ITGA6: variants seen among roughly 807,000 people sequenced by gnomAD.
ITGA6 encodes integrin subunit alpha 6, also known as integrin alpha-6.
Under a neutral mutation model 133.6 loss-of-function variants are expected in ITGA6, and 63 were observed. That is an observed-to-expected ratio of 0.47 (90% CI 0.38 to 0.58). The LOEUF (loss-of-function observed/expected upper bound fraction) is 0.58, where lower values mean the gene tolerates loss of function less well. Among genes scored for constraint, ITGA6 ranks in the 20% least tolerant of loss-of-function variants. The pLI is 0.00. For synonymous variants in ITGA6, 434 were observed against 482.0 expected (o/e 0.90, Z 1.30); for missense variants, 1,068 against 1,309.4 (o/e 0.82, Z 2.85).
chr2:172,453,157 T>C (rs1685074803), intron 1 of ITGA6, among the ~76,000 whole-genome samples: 1 of 152,198 alleles, frequency 6.6e-6, no homozygotes, highest in Non-Finnish European at 1.5e-5. Flanking sequence ...CTCAGAGATT[T>C]GCAGACAAAA....
intron 23 of ITGA6, chr2:172,495,493 T>C (rs113196882): frequency 2.6e-5 from 4 of 152,214 alleles, no homozygotes; most frequent in African/African-American, 9.7e-5. Flanking sequence ...CTTCCCCTTG[T>C]TCTCAATCCC....
chr2:172,448,962 C>G (rs185251618), intron 1 of ITGA6, among the ~76,000 whole-genome samples: 1 of 152,252 alleles, frequency 6.6e-6, no homozygotes, highest in Non-Finnish European at 1.5e-5. Flanking sequence ...AAGGCAAAAT[C>G]GTAGGTAAGG....
chr2:172,501,523 T>C (rs1687345493), intron 24 of ITGA6, among the ~76,000 whole-genome samples: 1 of 152,228 alleles, frequency 6.6e-6, no homozygotes, highest in Admixed American at 6.5e-5. Context: ...ACAAGATTTC[T>C]GTTACAAAGA....
Position 172,480,004 on chromosome 2 carries a change from C to G in ITGA6, c.1502C>G (p.Ser501Cys). Residue 501 changes from serine to cysteine, a missense_variant, in exon 11 of 26, where the codon TCC becomes TGC. Ser to Cys is a moderately radical substitution (Grantham distance 112). This residue lies in a region of ITGA6 where 609 missense variants were observed against 707.2 expected (regional missense o/e 0.86). Coordinates refer to ENST00000684293, the MANE Select transcript of ITGA6 (RefSeq NM_000210.4). Reference sequence around the variant, plus strand: ...ATTTTATTCAGCCTCCAGGTTAAATCCTGTTTTGAATATACTGCTAACCCC... The same window carrying G: ...ATTTTATTCAGCCTCCAGGTTAAATGCTGTTTTGAATATACTGCTAACCCC... ...APSGICLQVK[S>C]CFEYTANPAG... 6.3e-7 allele frequency: 1 copy of G among 1,595,052 alleles called. No homozygotes were observed. Among genetic ancestry groups the G allele is most frequent in the Non-Finnish European group, 8.6e-7 (1 of 1,162,670 alleles).
chr2:172,493,732 A>C (rs1214309751), intron 23 of ITGA6, among the ~76,000 whole-genome samples: 1 of 152,132 alleles, frequency 6.6e-6, no homozygotes, highest in African/African-American at 2.4e-5. Flanking sequence ...AATCCAAGGA[A>C]AGGTATCTCC....
At chr2:172,435,021 G>T (rs1195631530) in intron 1 of ITGA6, among the ~76,000 whole-genome samples, 9 of 131,832 alleles carry the variant, frequency 6.8e-5, no homozygotes, top group African/African-American at 2.8e-4. Context: ...TACTGAGGTG[G>T]TTTTAAGTGT....
At position 172,504,268 on chromosome 2, in the gene ITGA6, A is replaced by C; in HGVS notation, c.*200A>C. 1.3e-6 allele frequency: 2 copies of C among 1,528,174 alleles called. No individual in the cohort carries two copies. Among genetic ancestry groups the C allele is most frequent in the Non-Finnish European group, 1.8e-6 (2 of 1,141,818 alleles). 94.7% of individuals were successfully genotyped at this position (1,528,174 alleles called of 1,614,324 possible). A position where few individuals can be genotyped will look rare whatever the true frequency, so the allele number is the denominator to read the frequency against. On this transcript the variant is annotated 3_prime_UTR_variant, in exon 26 of 26. Coordinates refer to ENST00000684293, the MANE Select transcript of ITGA6 (RefSeq NM_000210.4). ...CTACTCATAGCGGGGGCCTAAAAAA[A>C]AAAAGCTTCACAGTACCCAAACTGC...
At chr2:172,454,222 T>TA (rs927713012) in intron 1 of ITGA6, among the ~76,000 whole-genome samples, 3 of 152,036 alleles carry the variant, frequency 2.0e-5, no homozygotes, top group African/African-American at 7.3e-5. Flanking sequence ...TAGCTAGGAC[T>TA]ACAGGTGCGT....
At chr2:172,446,319 T>C (rs1418285021) in intron 1 of ITGA6, among the ~76,000 whole-genome samples, 1 of 152,264 alleles carries the variant, frequency 6.6e-6, no homozygotes, top group Non-Finnish European at 1.5e-5. Flanking sequence ...TAAAGTCGCT[T>C]TTTCCTTTGC....
chr2:172,494,338 C>T (rs532860287), intron 23 of ITGA6, among the ~76,000 whole-genome samples: 33 of 152,190 alleles, frequency 2.2e-4, no homozygotes, highest in African/African-American at 7.5e-4. Flanking sequence ...AAAACCCCAT[C>T]TCTACAAAAA....
At chr2:172,461,516 T>A (rs1685426280) in intron 1 of ITGA6, among the ~76,000 whole-genome samples, 1 of 152,212 alleles carries the variant, frequency 6.6e-6, no homozygotes, top group African/African-American at 2.4e-5. Context: ...CTAACTCATA[T>A]CCCTTGGTCC....
chr2:172,432,425 G>A (rs562207428), intron 1 of ITGA6, among the ~76,000 whole-genome samples: 1 of 152,344 alleles, frequency 6.6e-6, no homozygotes, highest in African/African-American at 2.4e-5. Context: ...TTCTTTGCCT[G>A]CTAGCACCTA....
chr2:172,494,506 TCAAAA>T (rs1687052464), intron 23 of ITGA6, among the ~76,000 whole-genome samples: 1 of 152,158 alleles, frequency 6.6e-6, no homozygotes. Context: ...AGGCCCTGTC[TCAAAA>T]CAAACAATAA....
chr2:172,445,652 T>TAAAA (rs548737006), intron 1 of ITGA6, among the ~76,000 whole-genome samples: 14 of 138,150 alleles, frequency 1.0e-4, no homozygotes, highest in East Asian at 8.4e-4. Context: ...CCGTCTTTTT[T>TAAAA]AAAAAAAAAA....
rs1686710331 is a variant in ITGA6, at chr2:172,487,027, A to G, written c.1859A>G (p.His620Arg). The part of the protein sequence containing the change: ...DEPKTAHIDV[H>R]FLKEGCGDDN... The stretch of plus-strand genomic sequence containing the variant: ...ATAGTTTTCGTTTTCCTACAGGTTC[A>G]CTTCTTAAAAGAGGGATGTGGAGAC... Residue 620 changes from histidine to arginine, a missense_variant, in exon 14 of 26, where the codon CAC (histidine) becomes CGC (arginine). His to Arg is a conservative substitution (Grantham distance 29). This residue lies in a region of ITGA6 where 609 missense variants were observed against 707.2 expected (regional missense o/e 0.86). Transcript: ENST00000684293. The G allele has an allele frequency of 6.3e-7, 1 of 1,587,796 alleles. No individual in the cohort carries two copies. Among genetic ancestry groups the G allele is most frequent in the African/African-American group, 1.3e-5 (1 of 74,346 alleles).
chr2:172,471,425 G>A (rs550031163), intron 5 of ITGA6, among the ~76,000 whole-genome samples: 1 of 152,338 alleles, frequency 6.6e-6, no homozygotes, highest in African/African-American at 2.4e-5. Context: ...GGCCGCTCAT[G>A]CAGCCATGAA....
At chr2:172,503,342 AAC>A (rs879936905) in intron 25 of ITGA6, 4 of 152,118 alleles carry the variant, frequency 2.6e-5, no homozygotes, top group African/African-American at 4.8e-5. Context: ...TATATATATA[AAC>A]ACACACATTA....
At chr2:172,445,772 G>C (rs913686800) in intron 1 of ITGA6, among the ~76,000 whole-genome samples, 1 of 152,186 alleles carries the variant, frequency 6.6e-6, no homozygotes, top group Admixed American at 6.5e-5. Context: ...TTGGGACCCA[G>C]GACTTGCTCT....
At chr2:172,460,650 A>G (rs573663954) in intron 1 of ITGA6, among the ~76,000 whole-genome samples, 1 of 152,262 alleles carries the variant, frequency 6.6e-6, no homozygotes, top group East Asian at 1.9e-4. Flanking sequence ...TTCTACCGTT[A>G]AGTCTTTTAT....
Sources: gnomAD v4.1 joint callset for allele counts (sites outside exome capture counted in the v4.1 genomes callset) on GRCh38, gnomAD v4.1.1 for gene constraint, gnomAD v4.1.1 regional missense constraint, MANE v1.5 for transcripts, NCBI Gene and HGNC (gene_info 2026-07-23, HGNC 2026-07-21) for gene names.